The following CSMD1 variants were observed in gnomAD, a reference collection of about 807,000 sequenced individuals.
CSMD1 encodes the protein CUB and Sushi multiple domains 1, also known as CUB and sushi domain-containing protein 1.
In CSMD1, 213 loss-of-function variants were observed where a neutral mutation model predicts 417.5. The observed-to-expected ratio is 0.51, with a 90% confidence interval of 0.46 to 0.57. CSMD1 has a LOEUF of 0.57. Ranked by LOEUF, CSMD1 falls within the 20% of genes least tolerant of loss-of-function variation. CSMD1 has a pLI of 0.00. For missense variants in CSMD1, 6,923 were observed against 4,529.7 expected, an observed-to-expected ratio of 1.53 and a Z score of -15.17; for synonymous variants, 2,862 against 1,736.8, an observed-to-expected ratio of 1.65 and a Z score of -16.11.
intron 1 of CSMD1, among the ~76,000 whole-genome samples, chr8:4,716,115 C>A (rs531825091): frequency 6.6e-6 from 1 of 152,260 alleles, no homozygotes; most frequent in East Asian, 1.9e-4. Flanking sequence ...GGGAGACTCA[C>A]AGAGCTGTGA....
intron 37 of CSMD1, among the ~76,000 whole-genome samples, chr8:3,179,399 G>C (rs1455980122): frequency 6.6e-6 from 1 of 152,112 alleles, no homozygotes; most frequent in Non-Finnish European, 1.5e-5. Context: ...ATTATGTTTA[G>C]CCCAATTAAA....
chr8:4,992,094 C>T (rs1014850195), intron 1 of CSMD1, among the ~76,000 whole-genome samples: 5 of 152,182 alleles, frequency 3.3e-5, no homozygotes, highest in African/African-American at 4.8e-5. Context: ...ACCTGCAGCG[C>T]GCAAGAGGAG....
chr8:3,057,316 T>C (rs1409864471), intron 49 of CSMD1, among the ~76,000 whole-genome samples: 3 of 152,222 alleles, frequency 2.0e-5, no homozygotes, highest in African/African-American at 7.2e-5. Context: ...AATACAAATA[T>C]GCACGCAAAA....
At chr8:4,549,578 G>A (rs945212601) in intron 2 of CSMD1, among the ~76,000 whole-genome samples, 1 of 152,024 alleles carries the variant, frequency 6.6e-6, no homozygotes, top group East Asian at 1.9e-4. Flanking sequence ...ACGTGATGCT[G>A]GCACTCTTGG....
chr8:4,151,616 G>C (rs1198188137), intron 3 of CSMD1, among the ~76,000 whole-genome samples: 2 of 152,108 alleles, frequency 1.3e-5, no homozygotes, highest in East Asian at 3.9e-4. Flanking sequence ...ATTGTGACAT[G>C]TAGTTTCACT....
rs57979540 is a variant in CSMD1 at position 3,565,199 on chromosome 8, C to CAGATAGATAGAT, written c.1344+9734_1344+9745dup. Among the ~76,000 whole-genome samples, 415 of 88,548 alleles carry CAGATAGATAGAT rather than the reference C, an allele frequency of 4.7e-3. 2 individuals carry two copies. Among genetic ancestry groups the CAGATAGATAGAT allele is most frequent in the Middle Eastern group, 0.02 (4 of 200 alleles). The allele number at this position is 88,548 out of a possible 152,430, so 58.1% of individuals were successfully genotyped here. ...AAAGAAAGAAAGATACATAGATAGACAGATAGATAGATAGAGAGATAGACA... is the reference window on the plus strand; with the variant it reads ...AAAGAAAGAAAGATACATAGATAGACAGATAGATAGATAGATAGATAGATAGAGAGATAGACA... On this transcript the variant is annotated intron_variant, in intron 10 of 69. Transcript: ENST00000635120.
chr8:3,275,545 C>T (rs1454114454), intron 26 of CSMD1, among the ~76,000 whole-genome samples: 4 of 152,192 alleles, frequency 2.6e-5, no homozygotes, highest in African/African-American at 9.7e-5. Flanking sequence ...GTTCCATTGT[C>T]CCTGTCTCTT....
At chr8:4,413,275 C>T (rs1450456438) in intron 3 of CSMD1, among the ~76,000 whole-genome samples, 2 of 152,160 alleles carry the variant, frequency 1.3e-5, no homozygotes, top group East Asian at 3.9e-4. Context: ...GAGGCTGATC[C>T]TCAATGACAC....
chr8:3,366,511 T>G (rs1263174331), intron 20 of CSMD1, among the ~76,000 whole-genome samples: 5 of 152,216 alleles, frequency 3.3e-5, no homozygotes, highest in African/African-American at 4.8e-5. Context: ...AATAAAGATG[T>G]TACCTAACTT....
intron 1 of CSMD1, among the ~76,000 whole-genome samples, chr8:4,817,452 G>A (rs960124475): frequency 7.2e-5 from 11 of 152,208 alleles, no homozygotes; most frequent in South Asian, 2.1e-4. Context: ...GGAGCAAGAC[G>A]CACCTTCTCT....
At chr8:4,787,186 T>A (rs1277526888) in intron 1 of CSMD1, 1 of 419,236 alleles carries the variant, frequency 2.4e-6, no homozygotes, top group East Asian at 4.9e-5. Context: ...TCGGAAAGAG[T>A]GGCGCAGGGT....
chr8:4,040,827 T>G (rs867714912), intron 3 of CSMD1, among the ~76,000 whole-genome samples: 2 of 152,142 alleles, frequency 1.3e-5, no homozygotes, highest in South Asian at 4.1e-4. Context: ...TGAAAGACTT[T>G]AGCAGCTCCG....
chr8:3,719,602 A>G (rs1802032315), intron 6 of CSMD1, among the ~76,000 whole-genome samples: 4 of 152,302 alleles, frequency 2.6e-5, no homozygotes, highest in East Asian at 3.9e-4. Flanking sequence ...GCTGTGATGA[A>G]CGAAAAAGAT....
At chr8:4,488,549 C>T (rs1271331477) in intron 2 of CSMD1, among the ~76,000 whole-genome samples, 3 of 151,998 alleles carry the variant, frequency 2.0e-5, no homozygotes, top group Non-Finnish European at 2.9e-5. Flanking sequence ...CTGGTGGAGT[C>T]GGCAGCAGAG....
intron 1 of CSMD1, among the ~76,000 whole-genome samples, chr8:4,804,822 A>C (rs1393656877): frequency 6.6e-6 from 1 of 152,224 alleles, no homozygotes; most frequent in African/African-American, 2.4e-5. Context: ...AGATATGATT[A>C]CTGATACTAT....
chr8:4,826,942 T>C (rs1799866328), intron 1 of CSMD1, among the ~76,000 whole-genome samples: 1 of 152,176 alleles, frequency 6.6e-6, no homozygotes, highest in South Asian at 2.1e-4. Flanking sequence ...CTACTCACCC[T>C]TGAGTGTAAG....
intron 1 of CSMD1, among the ~76,000 whole-genome samples, chr8:4,790,936 G>A (rs1797651454): frequency 6.6e-6 from 1 of 152,130 alleles, no homozygotes; most frequent in African/African-American, 2.4e-5. Flanking sequence ...AGACTTAACG[G>A]CAAAGACTCC....
intron 5 of CSMD1, among the ~76,000 whole-genome samples, chr8:3,956,262 T>C (rs1001867057): frequency 6.6e-6 from 1 of 152,214 alleles, no homozygotes; most frequent in South Asian, 2.1e-4. Context: ...TTAATACATT[T>C]GACTTTTAAA....
chr8:3,062,334 C>T (rs985106306), intron 49 of CSMD1, among the ~76,000 whole-genome samples: 1 of 152,090 alleles, frequency 6.6e-6, no homozygotes, highest in Non-Finnish European at 1.5e-5. Context: ...CACCTCTCCA[C>T]CCACGGGGAT....
Sources: gnomAD v4.1 joint callset for allele counts (sites outside exome capture counted in the v4.1 genomes callset) on GRCh38, gnomAD v4.1.1 for gene constraint, MANE v1.5 for transcripts, NCBI Gene and HGNC (gene_info 2026-07-23, HGNC 2026-07-21) for gene names.